PAX7: variants seen among roughly 807,000 people sequenced by gnomAD.
PAX7 encodes the protein paired box protein Pax-7.
A neutral mutation model predicts 50.7 loss-of-function variants in PAX7; 18 were observed. The observed-to-expected ratio is 0.36, with a 90% CI of 0.25 to 0.53. The LOEUF (loss-of-function observed/expected upper bound fraction) is 0.53, where lower values mean the gene tolerates loss of function less well. Among genes scored for constraint, PAX7 ranks in the 20% least tolerant of loss-of-function variants. The probability of loss-of-function intolerance (pLI) is 0.93; values close to 1 mark genes in which losing one functional copy is unlikely to be tolerated. For synonymous variants in PAX7, 310 were observed against 290.4 expected (o/e 1.07, Z -0.69); for missense variants, 644 against 702.9 (o/e 0.92, Z 0.95).
chr1:18,711,558 G>A lies in PAX7; in HGVS notation c.1155+8262G>A, dbSNP rs977663081. Among the ~76,000 whole-genome samples the A allele has an allele frequency of 2.6e-5, 4 of 152,246 alleles. No individual in the cohort carries two copies. In the East Asian group the frequency reaches 7.7e-4, roughly 29 times the overall value. Reference sequence around the variant, plus strand: ...GACCTAAGTCTGGGGAGGAGAAGGTGCCAGGTGCAGGGGGTTCCCTCTCTG... The same window carrying A: ...GACCTAAGTCTGGGGAGGAGAAGGTACCAGGTGCAGGGGGTTCCCTCTCTG... On this transcript the variant is annotated intron_variant, in intron 7 of 8. Coordinates refer to ENST00000420770, the MANE Select transcript of PAX7 (RefSeq NM_001135254.2).
chr1:18,693,163 A>G (rs2089100559), intron 5 of PAX7, among the ~76,000 whole-genome samples: 1 of 152,146 alleles, frequency 6.6e-6, no homozygotes, highest in African/African-American at 2.4e-5. Flanking sequence ...GATCCCCATT[A>G]CCAGAATCTA....
chr1:18,671,720 A>T (rs1430721868), intron 4 of PAX7, among the ~76,000 whole-genome samples: 1 of 152,068 alleles, frequency 6.6e-6, no homozygotes, highest in African/African-American at 2.4e-5. Context: ...CTGGTGGTTC[A>T]TACCTGTAAC....
chr1:18,718,941 A>G (rs898354189), intron 7 of PAX7, among the ~76,000 whole-genome samples: 5 of 151,992 alleles, frequency 3.3e-5, no homozygotes, highest in African/African-American at 7.2e-5. Flanking sequence ...CACCCAGCCG[A>G]CCCTTCTTTT....
intron 7 of PAX7, among the ~76,000 whole-genome samples, chr1:18,732,378 G>A (rs2089657019): frequency 6.6e-6 from 1 of 152,156 alleles, no homozygotes; most frequent in African/African-American, 2.4e-5. Context: ...TTCAGCAGAG[G>A]TTTTCTGAGC....
chr1:18,675,287 T>A (rs180718669), intron 4 of PAX7, among the ~76,000 whole-genome samples: 10 of 152,088 alleles, frequency 6.6e-5, no homozygotes, highest in Non-Finnish European at 1.0e-4. Context: ...AATAGGCACG[T>A]GCCGATCGCC....
chr1:18,714,474 T>C (rs753322463), intron 7 of PAX7, among the ~76,000 whole-genome samples: 68 of 152,298 alleles, frequency 4.5e-4, no homozygotes, highest in Middle Eastern at 3.4e-3. Flanking sequence ...TGAACAGAAA[T>C]TGAACTCCAG....
intron 6 of PAX7, among the ~76,000 whole-genome samples, chr1:18,701,379 AGTGT>A (rs972595669): frequency 6.0e-5 from 9 of 150,700 alleles, no homozygotes; most frequent in African/African-American, 2.2e-4. Context: ...TGAGTGAATG[AGTGT>A]GTGTGGGTGT....
In PAX7 at chr1:18,735,900, C is replaced by T. The variant is rs138350189; in HGVS notation, c.1402+22C>T. The T allele has an allele frequency of 5.0e-5, 81 of 1,614,002 alleles. No homozygotes were observed. In the African/African-American group the frequency reaches 8.3e-4, roughly 16 times the overall value. On this transcript the variant is annotated intron_variant, in intron 8 of 8. Coordinates refer to ENST00000420770, the MANE Select transcript of PAX7 (RefSeq NM_001135254.2). This position sits in a 1 kb window ranked among gnomAD's most constrained non-coding sequence, Gnocchi z 4.0. ...CAGAGTGAGTGCCTGGTGCCCTGGGCGTCCCCCGTCCCCATTCCTTCTCCC... is the reference window on the plus strand; with the variant it reads ...CAGAGTGAGTGCCTGGTGCCCTGGGTGTCCCCCGTCCCCATTCCTTCTCCC...
At chr1:18,691,136 C>G (rs1392986392) in intron 4 of PAX7, among the ~76,000 whole-genome samples, 1 of 152,174 alleles carries the variant, frequency 6.6e-6, no homozygotes, top group East Asian at 1.9e-4. Context: ...CACTTCCACA[C>G]TCAGCTAATT....
At chr1:18,702,138 G>T (rs1012100260) in intron 6 of PAX7, among the ~76,000 whole-genome samples, 2 of 151,082 alleles carry the variant, frequency 1.3e-5, no homozygotes, top group South Asian at 4.2e-4. Flanking sequence ...TTGGAGACCA[G>T]CCTGGCCAAC....
At chr1:18,687,058 T>G (rs576319414) in intron 4 of PAX7, among the ~76,000 whole-genome samples, 1 of 151,764 alleles carries the variant, frequency 6.6e-6, no homozygotes, top group South Asian at 2.1e-4. Context: ...GCCCAGCTAA[T>G]TTTTGTATTT....
chr1:18,711,177 T>C (rs1190548751), intron 7 of PAX7, among the ~76,000 whole-genome samples: 4 of 152,198 alleles, frequency 2.6e-5, no homozygotes, highest in African/African-American at 9.7e-5. Flanking sequence ...GAGTTGGAGC[T>C]CTGGTTCTGC....
chr1:18,651,693 AG>A (rs2088433022), intron 4 of PAX7, among the ~76,000 whole-genome samples: 1 of 152,170 alleles, frequency 6.6e-6, no homozygotes, highest in Admixed American at 6.5e-5. Context: ...TCCAGAGCTC[AG>A]GGTCCCCCAA....
chr1:18,645,941 C>T (rs1383141401), intron 4 of PAX7, among the ~76,000 whole-genome samples: 1 of 152,230 alleles, frequency 6.6e-6, no homozygotes, highest in Non-Finnish European at 1.5e-5. Context: ...TCCCCCGCCT[C>T]CCGCGGTCCT....
intron 4 of PAX7, among the ~76,000 whole-genome samples, chr1:18,691,095 A>T (rs948146529): frequency 6.6e-6 from 1 of 152,158 alleles, no homozygotes; most frequent in African/African-American, 2.4e-5. Context: ...CTCCCACCTC[A>T]GCCTCTTGAG....
At chr1:18,672,846 T>G (rs1486162084) in intron 4 of PAX7, among the ~76,000 whole-genome samples, 1 of 152,090 alleles carries the variant, frequency 6.6e-6, no homozygotes, top group East Asian at 1.9e-4. Context: ...TCAGGTGATC[T>G]GCCTGCCTCA....
chr1:18,643,067 G>A (rs766561837), intron 4 of PAX7, among the ~76,000 whole-genome samples: 18 of 152,142 alleles, frequency 1.2e-4, no homozygotes, highest in Non-Finnish European at 2.2e-4. Context: ...TCTGCGGGTC[G>A]CTACAGCCTC....
chr1:18,690,803 G>A (rs1056910319), intron 4 of PAX7, among the ~76,000 whole-genome samples: 5 of 152,240 alleles, frequency 3.3e-5, no homozygotes, highest in Non-Finnish European at 7.3e-5. Flanking sequence ...ATCACTCAGA[G>A]ACCCTGGGAC....
chr1:18,716,971 G>C (rs1487629298), intron 7 of PAX7, among the ~76,000 whole-genome samples: 2 of 7,514 alleles, frequency 2.7e-4, no homozygotes, highest in African/African-American at 1.3e-3. Flanking sequence ...CAGGGCGGGG[G>C]TTGGGGCGGC....
Sources: allele counts gnomAD v4.1 joint callset (sites outside exome capture counted in the v4.1 genomes callset), GRCh38; gene constraint gnomAD v4.1.1; non-coding constraint Gnocchi (gnomAD v3.1); transcripts MANE v1.5; gene names NCBI Gene and HGNC (gene_info 2026-07-23, HGNC 2026-07-21).